Variants in ENTREP2 observed in about 807,000 individuals in gnomAD.
The protein encoded by ENTREP2 is protein ENTREP2.
chr15:29,596,389 A>G, the ENTREP2 span, among the ~76,000 whole-genome samples: 1 of 150,458 alleles, frequency 6.6e-6, no homozygotes. Flanking sequence ...CCTAGCTTCC[A>G]TTATTTGCTT....
chr15:29,191,379 A>G, the ENTREP2 span, among the ~76,000 whole-genome samples: 9 of 152,094 alleles, frequency 5.9e-5, no homozygotes, highest in Non-Finnish European at 1.3e-4. Flanking sequence ...TCTGAAAAAG[A>G]TATAAAATAC....
At chr15:29,270,633 CATAAT>C in the ENTREP2 span, among the ~76,000 whole-genome samples, 11 of 147,046 alleles carry the variant, frequency 7.5e-5, no homozygotes, top group African/African-American at 2.7e-4. Context: ...TTTCTTAATT[CATAAT>C]ATATTAGCTT....
chr15:29,666,931 G>A, the ENTREP2 span, among the ~76,000 whole-genome samples: 1 of 152,176 alleles, frequency 6.6e-6, no homozygotes, highest in Non-Finnish European at 1.5e-5. Flanking sequence ...AGCTTCTGGT[G>A]GTTCCCATAA....
the ENTREP2 span, among the ~76,000 whole-genome samples, chr15:29,471,633 G>A: frequency 1.6e-4 from 25 of 152,312 alleles, no homozygotes; most frequent in African/African-American, 6.0e-4. Context: ...GGCAGCACGG[G>A]GGCCAAGGGC....
At chr15:29,328,061 A>G in the ENTREP2 span, among the ~76,000 whole-genome samples, 1 of 152,382 alleles carries the variant, frequency 6.6e-6, no homozygotes, top group East Asian at 1.9e-4. Context: ...ATGGATAAAC[A>G]AACTGTGGTA....
the ENTREP2 span, among the ~76,000 whole-genome samples, chr15:29,580,799 G>A: frequency 6.6e-6 from 1 of 152,080 alleles, no homozygotes; most frequent in African/African-American, 2.4e-5. Context: ...TTCACAATGG[G>A]TATTTATTTG....
chr15:29,664,028 CAA>C, the ENTREP2 span, among the ~76,000 whole-genome samples: 42 of 100,826 alleles, frequency 4.2e-4, no homozygotes, highest in Admixed American at 8.1e-4. Context: ...AACTCCATCT[CAA>C]AAAAAAAAAA....
chr15:29,419,052 T>A, the ENTREP2 span, among the ~76,000 whole-genome samples: 1 of 152,214 alleles, frequency 6.6e-6, no homozygotes, highest in East Asian at 1.9e-4. Context: ...AAGACTCTCA[T>A]TTGAAAACCC....
chr15:29,300,961 T>C, the ENTREP2 span, among the ~76,000 whole-genome samples: 3 of 152,330 alleles, frequency 2.0e-5, no homozygotes, highest in African/African-American at 7.2e-5. Flanking sequence ...CAGGTAAATA[T>C]GTGTGGATAT....
the ENTREP2 span, among the ~76,000 whole-genome samples, chr15:29,313,649 C>T: frequency 6.6e-6 from 1 of 152,148 alleles, no homozygotes; most frequent in Non-Finnish European, 1.5e-5. Context: ...TGACAATACA[C>T]CTAAGAGCCC....
the ENTREP2 span, among the ~76,000 whole-genome samples, chr15:29,469,948 CT>C: frequency 6.6e-6 from 1 of 152,110 alleles, no homozygotes; most frequent in Non-Finnish European, 1.5e-5. Flanking sequence ...CTTTTGTCTC[CT>C]TTTCCACATT....
At chr15:29,124,405 G>A in the ENTREP2 span, among the ~76,000 whole-genome samples, 2,378 of 152,336 alleles carry the variant, frequency 0.016, 25 homozygotes, top group Non-Finnish European at 0.024. Flanking sequence ...AATTAAACAT[G>A]AGAAATTAAG....
At chr15:29,393,371 A>T in the ENTREP2 span, among the ~76,000 whole-genome samples, 2 of 152,218 alleles carry the variant, frequency 1.3e-5, no homozygotes, top group Non-Finnish European at 2.9e-5. Context: ...TAGAAATCCC[A>T]GGCCAAGCCC....
At chr15:29,173,594 C>T in the ENTREP2 span, among the ~76,000 whole-genome samples, 13 of 152,194 alleles carry the variant, frequency 8.5e-5, no homozygotes, top group African/African-American at 3.1e-4. Context: ...TGCAGAGCCA[C>T]CCGTGATAGC....
At chr15:29,631,369 A>G in the ENTREP2 span, among the ~76,000 whole-genome samples, 2 of 152,194 alleles carry the variant, frequency 1.3e-5, no homozygotes. Flanking sequence ...TAGAAGACTC[A>G]GGGTCTGTCT....
At chr15:29,384,359 G>A in the ENTREP2 span, among the ~76,000 whole-genome samples, 1 of 152,112 alleles carries the variant, frequency 6.6e-6, no homozygotes, top group African/African-American at 2.4e-5. Context: ...CTTCTGCTCA[G>A]CACCCTCCAT....
chr15:29,141,751 G>C, the ENTREP2 span, among the ~76,000 whole-genome samples: 1 of 152,194 alleles, frequency 6.6e-6, no homozygotes, highest in African/African-American at 2.4e-5. Flanking sequence ...GAAACAGCAG[G>C]CTTGTTACTA....
the ENTREP2 span, among the ~76,000 whole-genome samples, chr15:29,294,273 G>C: frequency 6.6e-6 from 1 of 152,222 alleles, no homozygotes; most frequent in African/African-American, 2.4e-5. Flanking sequence ...AAAGAAGCAG[G>C]CAATGTGTGG....
chr15:29,314,557 TA>T, the ENTREP2 span, among the ~76,000 whole-genome samples: 1 of 152,224 alleles, frequency 6.6e-6, no homozygotes. Context: ...TTTTTAGACA[TA>T]TGCTGTGGCA....
Sources: allele counts gnomAD v4.1 joint callset (sites outside exome capture counted in the v4.1 genomes callset), GRCh38; gene constraint gnomAD v4.1.1; transcripts MANE v1.5; gene names NCBI Gene and HGNC (gene_info 2026-07-23, HGNC 2026-07-21).